Variants in CACNA2D1 observed in about 807,000 individuals in gnomAD.
CACNA2D1 encodes voltage-dependent calcium channel subunit alpha-2/delta-1.
Under a neutral mutation model 171.5 loss-of-function variants are expected in CACNA2D1, and 53 were observed. That is an observed-to-expected ratio of 0.31 (90% confidence interval 0.25 to 0.39). CACNA2D1 has a LOEUF of 0.39. Among genes scored for constraint, CACNA2D1 ranks in the 10% least tolerant of loss-of-function variants. The probability of loss-of-function intolerance (pLI) is 1.00; values close to 1 mark genes in which losing one functional copy is unlikely to be tolerated. For synonymous variants in CACNA2D1, 442 were observed against 443.1 expected, an observed-to-expected ratio of 1.00 and a Z score of 0.03; for missense variants, 903 against 1,299.8, an observed-to-expected ratio of 0.69 and a Z score of 4.69.
At position 82,411,895 on chromosome 7, in the gene CACNA2D1, T is replaced by TCTCACACACA. The variant is rs1554548045; in HGVS notation, c.95+31469_95+31470insTGTGTGTGAG. Among the ~76,000 whole-genome samples, 279 of 144,884 alleles carry TCTCACACACA rather than the reference T, an allele frequency of 1.9e-3. 2 individuals carry two copies. Among genetic ancestry groups the TCTCACACACA allele is most frequent in the African/African-American group, 6.8e-3 (266 of 39,302 alleles). On this transcript the variant is annotated intron_variant, in intron 1 of 38. Coordinates refer to ENST00000356860, the MANE Select transcript of CACNA2D1 (RefSeq NM_000722.4). ...CCTCAAGCCAAACGAAAACTAAATC[T>TCTCACACACA]CACACACACACACACACACACACAC...
intron 37 of CACNA2D1, 31 bp from the exon 38 acceptor site, chr7:81,959,388 TAG>T (rs1199800712): frequency 1.4e-6 from 2 of 1,459,288 alleles, no homozygotes; most frequent in Non-Finnish European, 1.9e-6. Flanking sequence ...AATCTCATGT[TAG>T]TTTTTTTCAC....
Position 82,136,774 on chromosome 7 carries a change from C to A in CACNA2D1, c.355-98G>T. 3 of 837,786 alleles carry A rather than the reference C, an allele frequency of 3.6e-6. No individual in the cohort carries two copies. In the South Asian group the frequency reaches 4.8e-5, roughly 13 times the overall value. The allele number at this position is 837,786 out of a possible 1,614,324, so 51.9% of individuals were successfully genotyped here. Reference sequence around the variant, plus strand: ...GCATATTATAAAATAAACTCCTTGTCATCTTTCTTTCACAATATATTCCAC... The same window carrying A: ...GCATATTATAAAATAAACTCCTTGTAATCTTTCTTTCACAATATATTCCAC... On this transcript the variant is annotated intron_variant, in intron 4 of 38. Coordinates refer to ENST00000356860, the MANE Select transcript of CACNA2D1 (RefSeq NM_000722.4).
At chr7:82,392,916 A>T (rs76843608) in intron 1 of CACNA2D1, among the ~76,000 whole-genome samples, 1,723 of 152,176 alleles carry the variant, frequency 0.011, 63 homozygotes, top group East Asian at 0.068. Context: ...TGAAAGATAC[A>T]GTTATCCCTT....
chr7:82,084,921 C>T, intron 6 of CACNA2D1, 21 bp from the exon 7 acceptor site: 2 of 1,591,442 alleles, frequency 1.3e-6, no homozygotes, highest in Non-Finnish European at 1.7e-6. Context: ...AGAGAGAAAC[C>T]ATTAATTAAT....
intron 3 of CACNA2D1, among the ~76,000 whole-genome samples, chr7:82,199,971 C>G (rs1024116190): frequency 3.3e-5 from 5 of 151,950 alleles, no homozygotes; most frequent in African/African-American, 9.7e-5. Flanking sequence ...AAGACAGATA[C>G]AAAAGGAATA....
intron 5 of CACNA2D1, among the ~76,000 whole-genome samples, chr7:82,119,552 T>C (rs1181428408): frequency 2.6e-5 from 4 of 152,222 alleles, no homozygotes; most frequent in Non-Finnish European, 5.9e-5. Flanking sequence ...TTAGAACTGA[T>C]ATTTATAAAA....
intron 7 of CACNA2D1, among the ~76,000 whole-genome samples, chr7:82,078,900 G>A (rs761821658): frequency 6.6e-6 from 1 of 151,178 alleles, no homozygotes; most frequent in Non-Finnish European, 1.5e-5. Flanking sequence ...AGAGGGTGGA[G>A]AAAGAGGAAA....
At position 82,214,357 on chromosome 7, in the gene CACNA2D1, T is replaced by A. The variant is rs1800882843; in HGVS notation, c.295-43748A>T. Among the ~76,000 whole-genome samples, 3 of 152,154 alleles carry A rather than the reference T, an allele frequency of 2.0e-5. 1 individual carries two copies. Among genetic ancestry groups the A allele is most frequent in the Admixed American group, 2.0e-4 (3 of 15,266 alleles). On this transcript the variant is annotated intron_variant, in intron 3 of 38. Transcript: ENST00000356860. ...GATACAATTCAATAGTTAAGATGCC[T>A]ATTTCATGCTGTATTGTACCCTCTC...
intron 3 of CACNA2D1, among the ~76,000 whole-genome samples, chr7:82,186,301 C>A (rs1345118216): frequency 1.6e-5 from 2 of 123,492 alleles, no homozygotes; most frequent in South Asian, 2.6e-4. Flanking sequence ...GAAAGGTGGG[C>A]CAGATTTGAG....
chr7:81,994,507 AT>A lies in CACNA2D1; in HGVS notation c.1734+360del, dbSNP rs370490894. ...CATGTAAAACATATAGCTATTAAAT[AT>A]TAACTTCAATTTTGTAACATTGGCA... On this transcript the variant is annotated intron_variant, in intron 20 of 38. Coordinates refer to ENST00000356860, the MANE Select transcript of CACNA2D1 (RefSeq NM_000722.4). Among the ~76,000 whole-genome samples the A allele has an allele frequency of 8.7e-4, 132 of 152,228 alleles. 1 individual carries two copies. The East Asian group carries it at 0.023, about 27-fold the overall frequency.
At chr7:82,167,180 A>G (rs551291652) in intron 4 of CACNA2D1, among the ~76,000 whole-genome samples, 2 of 152,252 alleles carry the variant, frequency 1.3e-5, no homozygotes, top group South Asian at 4.1e-4. Context: ...AAATACCTTA[A>G]AAGATAAAAG....
intron 1 of CACNA2D1, among the ~76,000 whole-genome samples, chr7:82,357,978 CTATTTTTAAGAAATCGTT>C (rs1820654817): frequency 6.6e-6 from 1 of 152,046 alleles, no homozygotes; most frequent in Non-Finnish European, 1.5e-5. Flanking sequence ...CTTTTTGCCA[CTATTTTTAAGAAATCGTT>C]TATTTTTAAC....
intron 1 of CACNA2D1, among the ~76,000 whole-genome samples, chr7:82,358,699 T>TGC (rs931051312): frequency 1.6e-4 from 24 of 151,938 alleles, no homozygotes; most frequent in Non-Finnish European, 4.4e-5. Flanking sequence ...CGTGTGTGTG[T>TGC]GCGTGCATCT....
rs984127580 is a variant in CACNA2D1, at chr7:82,235,152, TA to T, written c.295-64544del. Among the ~76,000 whole-genome samples the T allele has an allele frequency of 3.3e-3, 500 of 151,924 alleles. 2 individuals are homozygous for T. Among genetic ancestry groups the T allele is most frequent in the African/African-American group, 0.011 (463 of 41,494 alleles). ...ATGCTTAAATTATGTTCTTTTTTTT[TA>T]AAATTAAAATTACAAAACAGTTGGA... is the stretch of plus-strand genomic sequence containing the variant. On this transcript the variant is annotated intron_variant, in intron 3 of 38. Coordinates refer to ENST00000356860, the MANE Select transcript of CACNA2D1 (RefSeq NM_000722.4).
At chr7:82,224,358 C>T (rs1381909788) in intron 3 of CACNA2D1, among the ~76,000 whole-genome samples, 2 of 152,012 alleles carry the variant, frequency 1.3e-5, no homozygotes, top group East Asian at 1.9e-4. Flanking sequence ...GAGGCCGAGG[C>T]GGGCGGATCA....
At chr7:82,172,918 A>C (rs1796191002) in intron 3 of CACNA2D1, among the ~76,000 whole-genome samples, 1 of 152,042 alleles carries the variant, frequency 6.6e-6, no homozygotes, top group Non-Finnish European at 1.5e-5. Context: ...TAGAACTCTA[A>C]GATGTCTTTG....
chr7:82,297,477 T>C (rs1812442841), intron 3 of CACNA2D1, among the ~76,000 whole-genome samples: 2 of 152,154 alleles, frequency 1.3e-5, no homozygotes, highest in African/African-American at 2.4e-5. Context: ...ATATTACCAA[T>C]GCTGTTGCAC....
At chr7:82,239,019 A>G (rs558438645) in intron 3 of CACNA2D1, among the ~76,000 whole-genome samples, 4 of 152,236 alleles carry the variant, frequency 2.6e-5, no homozygotes, top group Non-Finnish European at 5.9e-5. Flanking sequence ...GGGCATTTTG[A>G]GGTAAGTAAT....
In CACNA2D1 at chr7:81,984,818, G is replaced by A. The variant is rs965457861; in HGVS notation, c.1797-107C>T. 98 of 704,714 alleles carry A rather than the reference G, an allele frequency of 1.4e-4. No homozygotes were observed. In the Admixed American group the frequency reaches 2.0e-3, roughly 14 times the overall value. 43.7% of individuals were successfully genotyped at this position (704,714 alleles called of 1,614,324 possible). ...GGAAAATCGAAAGATCTTCCTCATG[G>A]GAAGGAAAAGACATATTACTTTGAC... On this transcript the variant is annotated intron_variant, in intron 21 of 38. Transcript: ENST00000356860.
Sources: allele counts gnomAD v4.1 joint callset (sites outside exome capture counted in the v4.1 genomes callset), GRCh38; gene constraint gnomAD v4.1.1; transcripts MANE v1.5; gene names NCBI Gene and HGNC (gene_info 2026-07-23, HGNC 2026-07-21).